PLD4: variants seen among roughly 807,000 people sequenced by gnomAD.
PLD4 encodes 5'-3' exonuclease PLD4.
A neutral mutation model predicts 52.3 loss-of-function variants in PLD4; 54 were observed. The ratio of observed to expected loss-of-function variants is 1.03; its 90% CI spans 0.83 to 1.30. The LOEUF (loss-of-function observed/expected upper bound fraction) is 1.30. Ranked by LOEUF, PLD4 falls within the 50% of genes most tolerant of loss-of-function variation. The pLI is 0.00. For missense variants in PLD4, 731 were observed against 671.1 expected (o/e 1.09, Z -0.99); for synonymous variants, 264 against 286.5 (o/e 0.92, Z 0.79).
downstream of PLD4, chr14:104,934,608 A>C (rs1456973245): frequency 6.6e-6 from 1 of 152,176 alleles, no homozygotes; most frequent in Non-Finnish European, 1.5e-5. Flanking sequence ...AATGGACCCC[A>C]GGGTGCCCCG....
intron 7 of PLD4, among the ~76,000 whole-genome samples, chr14:104,931,315 G>A (rs974515832): frequency 6.6e-6 from 1 of 152,200 alleles, no homozygotes; most frequent in Non-Finnish European, 1.5e-5. Flanking sequence ...CTGCGGGGAA[G>A]GAAGGGAAGA....
rs780026398 is a variant in PLD4, at chr14:104,932,005, C to T, written c.1059-7C>T. 2.5e-6 allele frequency: 4 copies of T among 1,576,532 alleles called. No homozygotes were observed. Among genetic ancestry groups the T allele is most frequent in the South Asian group, 1.2e-5 (1 of 86,232 alleles). On this transcript the variant is annotated splice_region_variant and splice_polypyrimidine_tract_variant and intron_variant, in intron 8 of 10. Transcript: ENST00000392593. This position sits in a 1 kb window ranked among gnomAD's most constrained non-coding sequence, Gnocchi z 6.5. ...GTAAGCAGAGCCCCGTCCCTCCCCA[C>T]CCCAAGGTACTGGCCGGTGCTGGAC...
At chr14:104,934,032 C>T (rs1387853467), downstream of PLD4, 1 of 89,182 alleles carries the variant, frequency 1.1e-5, no homozygotes, top group African/African-American at 4.9e-5. Context: ...CGGGAGGGGA[C>T]CCGCGGCTGA....
In PLD4 at chr14:104,928,796, G is replaced by A; in HGVS notation, c.332G>A (p.Gly111Asp). The A allele has an allele frequency of 6.2e-7, 1 of 1,608,454 alleles. No individual in the cohort carries two copies. Among genetic ancestry groups the A allele is most frequent in the Non-Finnish European group, 8.5e-7 (1 of 1,176,758 alleles). ...CCCCAGGACCTGCCATCTGCAGCCG[G>A]CAGCCCCTCTGCCCAGCCTCTGGGC... ...SIPQDLPSAA[G>D]SPSAQPLGQA... Residue 111 changes from glycine to aspartate, a missense_variant, in exon 4 of 11, where the codon GGC becomes GAC. Transcript: ENST00000392593.
chr14:104,927,359 A>G (rs1417325992), intron 2 of PLD4, 129 bp downstream of exon 2: 7 of 872,054 alleles, frequency 8.0e-6, no homozygotes, highest in Non-Finnish European at 1.2e-5. Flanking sequence ...ACTGGTGGGC[A>G]AGGGAAGCCT....
chr14:104,931,636 T>A (rs1377018982), intron 7 of PLD4, 112 bp from the exon 8 acceptor site: 14 of 1,389,612 alleles, frequency 1.0e-5, no homozygotes, highest in Non-Finnish European at 1.3e-5. Context: ...TCCAGGCACC[T>A]GGGCCCCCTC....
intron 1 of PLD4, 71 bp downstream of exon 1, chr14:104,925,061 A>G (rs902813780): frequency 1.3e-5 from 2 of 152,720 alleles, no homozygotes; most frequent in Admixed American, 6.5e-5. Context: ...CTGCCTCCCT[A>G]TGGCCTCAGC....
chr14:104,929,285 C>T, intron 4 of PLD4, 22 bp from the exon 5 acceptor site: 1 of 1,583,024 alleles, frequency 6.3e-7, no homozygotes. Context: ...GGTCAGCTCT[C>T]ATGGCTGGCC....
At position 104,932,089 on chromosome 14, in the gene PLD4, GCGGACTCAA is replaced by G; in HGVS notation, c.1138_1146del (p.Gly380_Asn382del). The G allele has an allele frequency of 6.2e-7, 1 of 1,610,360 alleles. No homozygotes were observed. On this transcript the variant is annotated inframe_deletion, in exon 9 of 11. Coordinates refer to ENST00000392593, the MANE Select transcript of PLD4 (RefSeq NM_138790.5). This position sits in a 1 kb window ranked among gnomAD's most constrained non-coding sequence, Gnocchi z 6.5. ...GTGCGCGTGCGCCTGCTGGTCGGCT[GCGGACTCAA>G]CACGGACCCCACCATGTTCCCCTAC...
intron 1 of PLD4, 118 bp from the exon 2 acceptor site, chr14:104,927,023 T>G: frequency 9.2e-6 from 8 of 873,924 alleles, no homozygotes; most frequent in African/African-American, 3.5e-5. Flanking sequence ...GTGGGGGGCT[T>G]TTGGGGGCTT....
chr14:104,933,649 G>C (rs1364986469), downstream of PLD4: 1 of 84,526 alleles, frequency 1.2e-5, no homozygotes, highest in Non-Finnish European at 2.3e-5. Context: ...GGGAGGGCGG[G>C]AGGGGACCTG....
rs758765691 is a variant in PLD4, at chr14:104,932,084, C to T, written c.1131C>T (p.Val377=). 4.3e-6 allele frequency: 7 copies of T among 1,609,750 alleles called. No individual in the cohort carries two copies. The highest frequency in any genetic ancestry group is 5.1e-6 in the Non-Finnish European group (6 of 1,179,034). The part of the protein sequence containing the change: ...FGKGVRVRLL[V]GCGLNTDPTM... Reference sequence around the variant, plus strand: ...AGGGCGTGCGCGTGCGCCTGCTGGTCGGCTGCGGACTCAACACGGACCCCA... The same window carrying T: ...AGGGCGTGCGCGTGCGCCTGCTGGTTGGCTGCGGACTCAACACGGACCCCA... Residue 377 remains valine (V), a synonymous_variant, in exon 9 of 11, where the codon GTC becomes GTT. Coordinates refer to ENST00000392593, the MANE Select transcript of PLD4 (RefSeq NM_138790.5). The surrounding 1 kb of genome is among the most constrained non-coding windows in gnomAD (Gnocchi z 6.5).
In PLD4 at chr14:104,933,094, C is replaced by T; in HGVS notation, c.*130C>T. ...CTGCGCCAGGAGCCGCCTGCGACCG[C>T]CCGGGCGTCGCAAACCGCCCGCCTG... On this transcript the variant is annotated 3_prime_UTR_variant, in exon 11 of 11. Transcript: ENST00000392593. The T allele has an allele frequency of 8.7e-7, 1 of 1,151,168 alleles. No individual in the cohort carries two copies. Among genetic ancestry groups the T allele is most frequent in the Non-Finnish European group, 1.2e-6 (1 of 860,688 alleles). 71.3% of individuals were successfully genotyped at this position (1,151,168 alleles called of 1,614,324 possible).
intron 1 of PLD4, among the ~76,000 whole-genome samples, chr14:104,926,406 C>A (rs1245542759): frequency 1.3e-5 from 2 of 152,184 alleles, no homozygotes; most frequent in Admixed American, 6.5e-5. Flanking sequence ...GAGCCCACAT[C>A]CCACAGGGCC....
intron 6 of PLD4, 106 bp downstream of exon 6, chr14:104,930,211 G>C (rs1897598483): frequency 4.1e-6 from 6 of 1,454,832 alleles, no homozygotes; most frequent in Non-Finnish European, 5.6e-6. Flanking sequence ...AAGTCGTGTA[G>C]TCCTGTTTAC....
chr14:104,926,932 C>T (rs889636490), intron 1 of PLD4, among the ~76,000 whole-genome samples: 15 of 152,200 alleles, frequency 9.9e-5, no homozygotes, highest in African/African-American at 2.2e-4. Flanking sequence ...GACATGTGGC[C>T]GGCTGCGGGC....
intron 1 of PLD4, among the ~76,000 whole-genome samples, chr14:104,925,777 G>A (rs1897434040): frequency 6.6e-6 from 1 of 152,028 alleles, no homozygotes; most frequent in South Asian, 2.1e-4. Context: ...TGGGGTGGGG[G>A]GAGCATCCCC....
At chr14:104,929,843 G>T (rs959774805) in intron 5 of PLD4, 135 bp from the exon 6 acceptor site, 8 of 1,054,850 alleles carry the variant, frequency 7.6e-6, no homozygotes, top group Non-Finnish European at 1.1e-5. Context: ...ATGGGGATGA[G>T]GATAGCAGCA....
rs756931995 is a variant in PLD4 at position 104,928,882 on chromosome 14, T to C, written c.418T>C (p.Trp140Arg). ...QESVHVASYY[W>R]SLTGPDIGVN... ...GAGCGTCCACGTGGCTTCATACTAC[T>C]GGTCCCTCACAGGGCCTGACATCGG... The change falls in exon 4 of 11, where the codon TGG becomes CGG. Residue 140 changes from tryptophan (W) to arginine (R), a missense_variant. Transcript: ENST00000392593. 4.6e-5 allele frequency: 74 copies of C among 1,611,076 alleles called. No homozygotes were observed. The highest frequency in any genetic ancestry group is 6.1e-5 in the Non-Finnish European group (72 of 1,178,450).
Sources: allele counts gnomAD v4.1 joint callset (sites outside exome capture counted in the v4.1 genomes callset), GRCh38; gene constraint gnomAD v4.1.1; non-coding constraint Gnocchi (gnomAD v3.1); transcripts MANE v1.5; gene names NCBI Gene and HGNC (gene_info 2026-07-23, HGNC 2026-07-21).